Variants in ST3GAL4 observed in about 807,000 individuals in gnomAD.
The protein encoded by ST3GAL4 is ST3 beta-galactoside alpha-2,3-sialyltransferase 4.
A neutral mutation model predicts 42.6 loss-of-function variants in ST3GAL4; 24 were observed. That is an observed-to-expected ratio of 0.56 (90% CI 0.41 to 0.79). ST3GAL4 has a LOEUF of 0.79. Ranked by LOEUF, ST3GAL4 falls within the 30% of genes least tolerant of loss-of-function variation. The pLI is 0.00. For synonymous variants in ST3GAL4, 135 were observed against 163.2 expected, an observed-to-expected ratio of 0.83 and a Z score of 1.32; for missense variants, 311 against 430.8, an observed-to-expected ratio of 0.72 and a Z score of 2.46.
chr11:126,374,503 G>A (rs1428208944), intron 1 of ST3GAL4, among the ~76,000 whole-genome samples: 2 of 148,962 alleles, frequency 1.3e-5, no homozygotes, highest in Admixed American at 6.7e-5. Flanking sequence ...GCTGGATGAA[G>A]AGAGATAGCC....
At chr11:126,358,443 C>T (rs1037879878) in intron 1 of ST3GAL4, 9 of 454,824 alleles carry the variant, frequency 2.0e-5, no homozygotes, top group Non-Finnish European at 4.0e-5. Context: ...CCTGAGTGGC[C>T]CTGGATGGAC....
chr11:126,394,510 C>T (rs191984514), intron 1 of ST3GAL4, among the ~76,000 whole-genome samples: 7 of 152,280 alleles, frequency 4.6e-5, no homozygotes, highest in Non-Finnish European at 1.0e-4. Flanking sequence ...CTGCAGCCTC[C>T]ACCTCCCGGG....
intron 1 of ST3GAL4, chr11:126,403,265 A>G (rs1439145470): frequency 1.9e-6 from 1 of 525,096 alleles, no homozygotes; most frequent in Non-Finnish European, 2.4e-6. Flanking sequence ...AAGACAAGAC[A>G]ATGTAGAACT....
chr11:126,407,108 A>T, intron 4 of ST3GAL4, 85 bp downstream of exon 4: 1 of 1,498,626 alleles, frequency 6.7e-7, no homozygotes, highest in Non-Finnish European at 9.3e-7. Context: ...GTAGATGGAA[A>T]GAGCAGCTGT....
Position 126,397,461 on chromosome 11 carries a change from G to T in ST3GAL4, c.-60-8635G>T, listed in dbSNP as rs146300060. ...TAAAATTTTGTTACCTCTAAGTGCT[G>T]AAATTAAGGTATAAACAACGTCTCA... On this transcript the variant is annotated intron_variant, in intron 1 of 10. Coordinates refer to ENST00000444328, the MANE Select transcript of ST3GAL4 (RefSeq NM_001254757.2). This position sits in a 1 kb window ranked among gnomAD's most constrained non-coding sequence, Gnocchi z 5.0. Among the ~76,000 whole-genome samples the T allele has an allele frequency of 1.6e-3, 235 of 151,294 alleles. 4 individuals carry two copies. In the East Asian group the frequency reaches 0.04, roughly 26 times the overall value.
At chr11:126,370,281 C>A (rs376723288) in intron 1 of ST3GAL4, among the ~76,000 whole-genome samples, 2 of 152,184 alleles carry the variant, frequency 1.3e-5, no homozygotes, top group Non-Finnish European at 2.9e-5. Context: ...CCCACACTCC[C>A]CCAGCACTGT....
At position 126,397,113 on chromosome 11, in the gene ST3GAL4, G is replaced by A. The variant is rs576029103; in HGVS notation, c.-60-8983G>A. On this transcript the variant is annotated intron_variant, in intron 1 of 10. Coordinates refer to ENST00000444328, the MANE Select transcript of ST3GAL4 (RefSeq NM_001254757.2). The surrounding 1 kb of genome is among the most constrained non-coding windows in gnomAD (Gnocchi z 5.0). ...AGAGATTGAGAGATCCTGGTTTCGC[G>A]TTTTGAGCGTGCAGTACATTTCAGT... Among the ~76,000 whole-genome samples, 1 of 152,190 alleles carries A rather than the reference G, an allele frequency of 6.6e-6. No homozygotes were observed. The highest frequency in any genetic ancestry group is 2.4e-5 in the African/African-American group (1 of 41,466).
intron 1 of ST3GAL4, among the ~76,000 whole-genome samples, chr11:126,404,063 G>GT (rs1954125400): frequency 6.6e-6 from 1 of 152,092 alleles, no homozygotes; most frequent in African/African-American, 2.4e-5. Context: ...AATTTTTTTT[G>GT]TTTAAGTACT....
Position 126,406,720 on chromosome 11 carries a change from T to A in ST3GAL4, c.101+163T>A. The A allele has an allele frequency of 2.6e-6, 1 of 390,238 alleles. No individual in the cohort carries two copies. Among genetic ancestry groups the A allele is most frequent in the Non-Finnish European group, 4.8e-6 (1 of 207,152 alleles). 24.2% of individuals were successfully genotyped at this position (390,238 alleles called of 1,614,324 possible). A position where few individuals can be genotyped will look rare whatever the true frequency, so the allele number is the denominator to read the frequency against. On this transcript the variant is annotated intron_variant, in intron 3 of 10. Coordinates refer to ENST00000444328, the MANE Select transcript of ST3GAL4 (RefSeq NM_001254757.2). The surrounding 1 kb of genome is among the most constrained non-coding windows in gnomAD (Gnocchi z 5.4). ...TACGGAGTGTTTCCATGAGGGTGGG[T>A]GGGGGTAGGGCCTGGGATGTCTCAC...
At position 126,411,699 on chromosome 11, in the gene ST3GAL4, T is replaced by C. The variant is rs1954533942; in HGVS notation, c.772-1806T>C. Among the ~76,000 whole-genome samples the C allele has an allele frequency of 6.6e-6, 1 of 152,200 alleles. No homozygotes were observed. The highest frequency in any genetic ancestry group is 2.4e-5 in the African/African-American group (1 of 41,454). ...TGTAGAACTGAGGTCCCCATTTCCT[T>C]GCTGGCTGTCAGCTGGAGGCTGGGG... On this transcript the variant is annotated intron_variant, in intron 9 of 10. Coordinates refer to ENST00000444328, the MANE Select transcript of ST3GAL4 (RefSeq NM_001254757.2). This position sits in a 1 kb window ranked among gnomAD's most constrained non-coding sequence, Gnocchi z 6.3.
intron 1 of ST3GAL4, among the ~76,000 whole-genome samples, chr11:126,385,063 C>T (rs1953172087): frequency 6.6e-6 from 1 of 152,124 alleles, no homozygotes; most frequent in Non-Finnish European, 1.5e-5. Context: ...ACTCAGGACA[C>T]CTCTGAGGAC....
At chr11:126,377,135 T>G (rs1219936508) in intron 1 of ST3GAL4, among the ~76,000 whole-genome samples, 3 of 152,212 alleles carry the variant, frequency 2.0e-5, no homozygotes, top group Non-Finnish European at 2.9e-5. Flanking sequence ...TAAGGTATTT[T>G]AAGTTTTCGG....
rs1954522974 is a variant in ST3GAL4, at chr11:126,411,458, C to G, written c.771+2047C>G. On this transcript the variant is annotated intron_variant, in intron 9 of 10. Coordinates refer to ENST00000444328, the MANE Select transcript of ST3GAL4 (RefSeq NM_001254757.2). This position sits in a 1 kb window ranked among gnomAD's most constrained non-coding sequence, Gnocchi z 6.3. The stretch of plus-strand genomic sequence containing the variant: ...TGGCCTGTATTAGCTTTCTGTTGCT[C>G]CCTAACTAATACCACAAGTTTAGCC... Among the ~76,000 whole-genome samples, 1 of 152,068 alleles carries G rather than the reference C, an allele frequency of 6.6e-6. No homozygotes were observed. The highest frequency in any genetic ancestry group is 6.6e-5 in the Admixed American group (1 of 15,256).
Position 126,407,589 on chromosome 11 carries a change from G to A in ST3GAL4, c.296G>A (p.Arg99Gln), listed in dbSNP as rs771236463. 9.9e-6 allele frequency: 16 copies of A among 1,613,962 alleles called. No homozygotes were observed. The East Asian group carries it at 1.6e-4, about 16-fold the overall frequency. ...CTTTTTGTAGAGGATCTGCTCCTCC[G>A]GGTGCTAGCCATCACCAGCTCCTCC... The part of the protein sequence containing the change: ...GTKGSEDLLL[R>Q]VLAITSSSIP... The change falls in exon 6 of 11, where the codon CGG becomes CAG. Residue 99 changes from arginine to glutamine, a missense_variant. Coordinates refer to ENST00000444328, the MANE Select transcript of ST3GAL4 (RefSeq NM_001254757.2).
intron 1 of ST3GAL4, among the ~76,000 whole-genome samples, chr11:126,380,695 A>C (rs994763794): frequency 1.3e-5 from 2 of 152,158 alleles, no homozygotes; most frequent in Non-Finnish European, 2.9e-5. Context: ...CTGTCAAATA[A>C]AGCGAATTGC....
At chr11:126,367,345 G>A (rs1952469679) in intron 1 of ST3GAL4, among the ~76,000 whole-genome samples, 1 of 152,250 alleles carries the variant, frequency 6.6e-6, no homozygotes, top group African/African-American at 2.4e-5. Flanking sequence ...GAGTGGCAGT[G>A]CCTCTGCCTG....
chr11:126,405,222 T>C (rs907063373), intron 1 of ST3GAL4, among the ~76,000 whole-genome samples: 7 of 152,236 alleles, frequency 4.6e-5, no homozygotes, highest in Admixed American at 2.6e-4. Context: ...TGTGTGGCTG[T>C]AGAAGCTACA....
intron 6 of ST3GAL4, 120 bp downstream of exon 6, chr11:126,407,754 C>T: frequency 9.1e-7 from 1 of 1,101,834 alleles, no homozygotes; most frequent in Non-Finnish European, 1.3e-6. Flanking sequence ...CCATCCCAGC[C>T]AATTCTCATG....
At position 126,407,570 on chromosome 11, in the gene ST3GAL4, G is replaced by A. The variant is rs1954298758; in HGVS notation, c.281-4G>A. Reference sequence around the variant, plus strand: ...TCAGTCCCTCCGCCTGGTACTTTTTGTAGAGGATCTGCTCCTCCGGGTGCT... The same window carrying A: ...TCAGTCCCTCCGCCTGGTACTTTTTATAGAGGATCTGCTCCTCCGGGTGCT... On this transcript the variant is annotated splice_region_variant and splice_polypyrimidine_tract_variant and intron_variant, in intron 5 of 10. Coordinates refer to ENST00000444328, the MANE Select transcript of ST3GAL4 (RefSeq NM_001254757.2). 4.3e-6 allele frequency: 7 copies of A among 1,614,130 alleles called. No individual in the cohort carries two copies. The highest frequency in any genetic ancestry group is 1.3e-5 in the African/African-American group (1 of 75,036).
Sources: gnomAD v4.1 joint callset for allele counts (sites outside exome capture counted in the v4.1 genomes callset) on GRCh38, gnomAD v4.1.1 for gene constraint, Gnocchi (gnomAD v3.1) non-coding constraint, MANE v1.5 for transcripts, NCBI Gene and HGNC (gene_info 2026-07-23, HGNC 2026-07-21) for gene names.